Variants in DLG2 observed in about 807,000 individuals in gnomAD.
DLG2 encodes the protein disks large homolog 2.
A neutral mutation model predicts 132.5 loss-of-function variants in DLG2; 45 were observed. That is an observed-to-expected ratio of 0.34 (90% CI 0.27 to 0.44). The LOEUF (loss-of-function observed/expected upper bound fraction) is 0.44. Ranked by LOEUF, DLG2 falls within the 20% of genes least tolerant of loss-of-function variation. DLG2 has a pLI of 1.00. For missense variants in DLG2, 1,045 were observed against 1,196.9 expected, an observed-to-expected ratio of 0.87 and a Z score of 1.87; for synonymous variants, 424 against 419.6, an observed-to-expected ratio of 1.01 and a Z score of -0.13.
chr11:84,037,529 A>G (rs766955196), intron 11 of DLG2, among the ~76,000 whole-genome samples: 2 of 152,116 alleles, frequency 1.3e-5, no homozygotes. Flanking sequence ...AATGTAAAAA[A>G]CTGTATTTCA....
At chr11:83,584,617 C>T (rs1377780915) in intron 19 of DLG2, among the ~76,000 whole-genome samples, 1 of 152,102 alleles carries the variant, frequency 6.6e-6, no homozygotes, top group Non-Finnish European at 1.5e-5. Context: ...GTTTTAGATC[C>T]TGGCTGTAAA....
At chr11:84,847,184 T>C (rs2081577133) in intron 6 of DLG2, among the ~76,000 whole-genome samples, 1 of 152,110 alleles carries the variant, frequency 6.6e-6, no homozygotes, top group South Asian at 2.1e-4. Flanking sequence ...ATAAAATATA[T>C]AGCATTGGCT....
chr11:84,067,902 G>C lies in DLG2; in HGVS notation c.750-8418C>G, dbSNP rs1039879163. On this transcript the variant is annotated intron_variant, in intron 10 of 27. Transcript: ENST00000376104. ...GAGGCATCTGATATGGGCCAATGTAGTAATATCTATGAGGCTTTTTTTTCC... is the reference window on the plus strand; with the variant it reads ...GAGGCATCTGATATGGGCCAATGTACTAATATCTATGAGGCTTTTTTTTCC... 7.9e-5 allele frequency among the ~76,000 whole-genome samples: 12 copies of C among 152,200 alleles called. 1 individual carries two copies. Among genetic ancestry groups the C allele is most frequent in the Non-Finnish European group, 1.6e-4 (11 of 68,038 alleles).
intron 8 of DLG2, among the ~76,000 whole-genome samples, chr11:84,204,145 C>CG (rs1450895292): frequency 6.6e-6 from 1 of 152,010 alleles, no homozygotes; most frequent in African/African-American, 2.4e-5. Flanking sequence ...TTAGTAGAGA[C>CG]GGGGTTTCTC....
At chr11:84,244,259 T>C (rs539541641) in intron 8 of DLG2, among the ~76,000 whole-genome samples, 3 of 152,102 alleles carry the variant, frequency 2.0e-5, no homozygotes, top group Admixed American at 6.5e-5. Context: ...TCTCAGCTCA[T>C]TGCAACCTCC....
intron 7 of DLG2, among the ~76,000 whole-genome samples, chr11:84,359,380 T>G (rs960257938): frequency 2.0e-5 from 3 of 151,916 alleles, no homozygotes; most frequent in Non-Finnish European, 4.4e-5. Flanking sequence ...CTCTTTTGGT[T>G]CACTGCAGAA....
chr11:83,507,413 AC>A (rs1334445316), intron 21 of DLG2, among the ~76,000 whole-genome samples: 54 of 148,618 alleles, frequency 3.6e-4, no homozygotes, highest in African/African-American at 1.3e-3. Flanking sequence ...ATATATATAT[AC>A]ACACATACAT....
Position 84,295,431 on chromosome 11 carries a change from T to C in DLG2, c.520-44140A>G, listed in dbSNP as rs1242221876. The stretch of plus-strand genomic sequence containing the variant: ...AGAAACTATGCATCCAGGCTGCCAC[T>C]TTTTTCTTTCTTATGCATGGCTATA... On this transcript the variant is annotated intron_variant, in intron 7 of 27. Coordinates refer to ENST00000376104, the MANE Select transcript of DLG2 (RefSeq NM_001142699.3). 2.0e-5 allele frequency among the ~76,000 whole-genome samples: 3 copies of C among 152,198 alleles called. No homozygotes were observed. In the East Asian group the frequency reaches 5.8e-4, roughly 29 times the overall value.
chr11:83,683,905 T>C (rs1396722540), intron 18 of DLG2, among the ~76,000 whole-genome samples: 1 of 152,124 alleles, frequency 6.6e-6, no homozygotes, highest in East Asian at 1.9e-4. Context: ...CAGGGCTCTG[T>C]GCTGGGCTGC....
chr11:83,517,784 C>T (rs1412142723), intron 21 of DLG2, among the ~76,000 whole-genome samples: 2 of 152,210 alleles, frequency 1.3e-5, no homozygotes, highest in African/African-American at 2.4e-5. Flanking sequence ...GCCGGAGGTC[C>T]ACTCCAGACC....
intron 6 of DLG2, among the ~76,000 whole-genome samples, chr11:84,558,699 G>C (rs1370237317): frequency 6.6e-6 from 1 of 151,948 alleles, no homozygotes; most frequent in Non-Finnish European, 1.5e-5. Flanking sequence ...TTATTCCTCT[G>C]CCTAAACATT....
intron 11 of DLG2, among the ~76,000 whole-genome samples, chr11:83,986,344 G>A (rs1019714881): frequency 1.2e-4 from 18 of 151,934 alleles, no homozygotes; most frequent in South Asian, 4.2e-4. Context: ...TTTACTGAGA[G>A]TGATGATTTC....
chr11:83,842,151 T>C (rs761356270), intron 16 of DLG2, among the ~76,000 whole-genome samples: 6 of 152,332 alleles, frequency 3.9e-5, no homozygotes, highest in African/African-American at 9.6e-5. Context: ...CCTGACCTGC[T>C]GCAAGCTGTG....
chr11:85,285,856 A>G lies in DLG2; in HGVS notation c.41-491T>C, dbSNP rs76338047. On this transcript the variant is annotated intron_variant, in intron 3 of 27. Transcript: ENST00000376104. ...GAGGTTTGACTAGATAATGCAGAGG[A>G]TGATGAAAATATTCTCTAATGATAC... 2.3e-3 allele frequency among the ~76,000 whole-genome samples: 350 copies of G among 152,108 alleles called. 3 individuals carry two copies. The highest frequency in any genetic ancestry group is 7.8e-3 in the African/African-American group (324 of 41,558).
At chr11:85,466,625 T>G (rs183417996) in intron 3 of DLG2, among the ~76,000 whole-genome samples, 4 of 152,212 alleles carry the variant, frequency 2.6e-5, no homozygotes, top group Non-Finnish European at 4.4e-5. Context: ...GTTGTAGATA[T>G]GTGGCATTAT....
chr11:83,753,150 T>C, intron 18 of DLG2, among the ~76,000 whole-genome samples: 1 of 152,144 alleles, frequency 6.6e-6, no homozygotes, highest in Non-Finnish European at 1.5e-5. Context: ...TGGCCGGGCG[T>C]GGTGGCTCAC....
intron 3 of DLG2, among the ~76,000 whole-genome samples, chr11:85,534,148 T>G (rs2075409582): frequency 6.6e-6 from 1 of 151,906 alleles, no homozygotes; most frequent in South Asian, 2.1e-4. Context: ...CAACCATGCC[T>G]GGCTAATTTT....
At chr11:83,714,974 C>A (rs1171577278) in intron 18 of DLG2, among the ~76,000 whole-genome samples, 1 of 152,166 alleles carries the variant, frequency 6.6e-6, no homozygotes, top group African/African-American at 2.4e-5. Flanking sequence ...ATGTTTATTG[C>A]AGCACTGTTC....
chr11:84,974,554 G>A (rs905761579), intron 6 of DLG2, among the ~76,000 whole-genome samples: 4 of 152,194 alleles, frequency 2.6e-5, no homozygotes, highest in African/African-American at 9.7e-5. Context: ...TTAACTGTGT[G>A]AAGGGAATAA....
Sources: gnomAD v4.1 joint callset for allele counts (sites outside exome capture counted in the v4.1 genomes callset) on GRCh38, gnomAD v4.1.1 for gene constraint, MANE v1.5 for transcripts, NCBI Gene and HGNC (gene_info 2026-07-23, HGNC 2026-07-21) for gene names.